KLHDC10: variants seen among roughly 807,000 people sequenced by gnomAD.
The protein encoded by KLHDC10 is kelch domain-containing protein 10.
In KLHDC10, 24 loss-of-function variants were observed where a neutral mutation model predicts 56.1. The ratio of observed to expected loss-of-function variants is 0.43; its 90% confidence interval spans 0.31 to 0.60. KLHDC10 has a LOEUF of 0.60. Ranked by LOEUF, KLHDC10 falls within the 20% of genes least tolerant of loss-of-function variation. The pLI, the probability that KLHDC10 is intolerant of heterozygous loss-of-function variation, is 0.11. For missense variants in KLHDC10, 349 were observed against 567.0 expected, an observed-to-expected ratio of 0.62 and a Z score of 3.91; for synonymous variants, 188 against 207.1, an observed-to-expected ratio of 0.91 and a Z score of 0.79.
intron 7 of KLHDC10, 83 bp downstream of exon 7, chr7:130,126,014 C>T (rs1796311068): frequency 9.8e-7 from 1 of 1,016,034 alleles, no homozygotes; most frequent in African/African-American, 1.7e-5. Flanking sequence ...AGTAATTTTA[C>T]TGAGTTATAT....
chr7:130,095,082 A>G (rs1011077353), intron 1 of KLHDC10, among the ~76,000 whole-genome samples: 1 of 152,112 alleles, frequency 6.6e-6, no homozygotes, highest in Non-Finnish European at 1.5e-5. Context: ...AGTTTCTTAT[A>G]TATTTAATGT....
At chr7:130,118,617 C>A (rs62491325) in intron 3 of KLHDC10, among the ~76,000 whole-genome samples, 1 of 152,174 alleles carries the variant, frequency 6.6e-6, no homozygotes, top group Non-Finnish European at 1.5e-5. Flanking sequence ...GCCTAGCTTT[C>A]GCCTGCCTTT....
intron 1 of KLHDC10, among the ~76,000 whole-genome samples, chr7:130,086,590 A>G (rs1469151194): frequency 6.6e-6 from 1 of 152,216 alleles, no homozygotes; most frequent in Non-Finnish European, 1.5e-5. Flanking sequence ...AACAGAGTGC[A>G]ACAACAAAGT....
chr7:130,115,451 C>T (rs1004182108), intron 2 of KLHDC10, among the ~76,000 whole-genome samples: 2 of 151,862 alleles, frequency 1.3e-5, no homozygotes, highest in Non-Finnish European at 2.9e-5. Flanking sequence ...TGCAGTAGCT[C>T]GTACCTGTAA....
intron 1 of KLHDC10, among the ~76,000 whole-genome samples, chr7:130,078,201 C>T (rs1472878745): frequency 1.3e-5 from 2 of 151,594 alleles, no homozygotes; most frequent in Non-Finnish European, 2.9e-5. Context: ...AACCCCGTCT[C>T]TACTGAAAAC....
chr7:130,077,441 TG>T (rs1795526608), intron 1 of KLHDC10, among the ~76,000 whole-genome samples: 5 of 149,182 alleles, frequency 3.4e-5, no homozygotes, highest in Admixed American at 3.3e-4. Flanking sequence ...ATTAAAAAGT[TG>T]TTTATTTTTT....
chr7:130,115,367 A>AGTTTTTT (rs1796152640), intron 2 of KLHDC10, among the ~76,000 whole-genome samples: 1 of 152,082 alleles, frequency 6.6e-6, no homozygotes, highest in Non-Finnish European at 1.5e-5. Context: ...ACTACAATAA[A>AGTTTTTT]GTTTTTTGTT....
intron 1 of KLHDC10, among the ~76,000 whole-genome samples, chr7:130,074,862 G>C (rs1446729123): frequency 6.6e-6 from 1 of 152,020 alleles, no homozygotes; most frequent in Non-Finnish European, 1.5e-5. Flanking sequence ...ACCCACCTTG[G>C]CCTCCTAAAG....
chr7:130,124,902 GC>G (rs1458629224), intron 6 of KLHDC10, among the ~76,000 whole-genome samples: 2 of 152,132 alleles, frequency 1.3e-5, no homozygotes, highest in Non-Finnish European at 2.9e-5. Context: ...AAAAGAACAG[GC>G]TTGTTTAGGG....
chr7:130,108,556 C>CATAAAAAAAAA (rs1335429672), intron 2 of KLHDC10, among the ~76,000 whole-genome samples: 3 of 85,672 alleles, frequency 3.5e-5, no homozygotes, highest in Admixed American at 1.5e-4. Flanking sequence ...ACCAAATATC[C>CATAAAAAAAAA]AAAAAAAAAA....
intron 8 of KLHDC10, among the ~76,000 whole-genome samples, chr7:130,128,218 A>T (rs1796339472): frequency 1.3e-5 from 2 of 152,226 alleles, no homozygotes; most frequent in Non-Finnish European, 2.9e-5. Flanking sequence ...TCTCTGTGAG[A>T]ATGGAACTGT....
At position 130,081,021 on chromosome 7, in the gene KLHDC10, C is replaced by A. The variant is rs532164696; in HGVS notation, c.166+10212C>A. Among the ~76,000 whole-genome samples the A allele has an allele frequency of 1.4e-3, 176 of 122,250 alleles. 3 individuals carry two copies. In the South Asian group the frequency reaches 0.023, roughly 16 times the overall value. The allele number at this position is 122,250 out of a possible 152,430, so 80.2% of individuals were successfully genotyped here. ...TTTCTTTTTTTTTTTTTTTTTGAGA[C>A]GGAGTCTCGCTCTGTCACCCAGGCT... On this transcript the variant is annotated intron_variant, in intron 1 of 9. Coordinates refer to ENST00000335420, the MANE Select transcript of KLHDC10 (RefSeq NM_014997.4).
At chr7:130,114,040 C>A (rs1247065770) in intron 2 of KLHDC10, among the ~76,000 whole-genome samples, 2 of 152,144 alleles carry the variant, frequency 1.3e-5, no homozygotes, top group African/African-American at 2.4e-5. Context: ...ATAATAATAC[C>A]AAAGTCCACT....
chr7:130,106,925 T>C (rs368146259), intron 2 of KLHDC10, among the ~76,000 whole-genome samples: 1 of 152,176 alleles, frequency 6.6e-6, no homozygotes, highest in South Asian at 2.1e-4. Context: ...GAGCAGTGAT[T>C]ACACTGCTAC....
At chr7:130,122,710 C>T (rs753992576) in intron 5 of KLHDC10, among the ~76,000 whole-genome samples, 15 of 152,176 alleles carry the variant, frequency 9.9e-5, no homozygotes, top group South Asian at 2.1e-4. Context: ...TGTGCCACCA[C>T]GTCTGGCTAA....
rs191234289 is a variant in KLHDC10 at position 130,085,263 on chromosome 7, G to C, written c.167-11658G>C. 3.5e-3 allele frequency among the ~76,000 whole-genome samples: 524 copies of C among 151,230 alleles called. 4 individuals carry two copies. Among genetic ancestry groups the C allele is most frequent in the African/African-American group, 0.012 (505 of 41,144 alleles). On this transcript the variant is annotated intron_variant, in intron 1 of 9. Transcript: ENST00000335420. The stretch of plus-strand genomic sequence containing the variant: ...CAGGAGAATTGCTTGAACCCAGGAG[G>C]TGGAGGTTGCAGTGAGCCGAGATCA...
At position 130,133,133 on chromosome 7, in the gene KLHDC10, G is replaced by A. The variant is rs1380740169; in HGVS notation, c.*2387G>A. 6.6e-6 allele frequency: 1 copy of A among 152,204 alleles called. No individual in the cohort carries two copies. Among genetic ancestry groups the A allele is most frequent in the Non-Finnish European group, 1.5e-5 (1 of 68,042 alleles). 9.4% of individuals were successfully genotyped at this position (152,204 alleles called of 1,614,324 possible). ...AACACTAGTAAAAATGACATGGTAT[G>A]ACCAGCACTGAGTGCTATAGAACCA... On this transcript the variant is annotated 3_prime_UTR_variant, in exon 10 of 10. Coordinates refer to ENST00000335420, the MANE Select transcript of KLHDC10 (RefSeq NM_014997.4).
intron 5 of KLHDC10, 95 bp from the exon 6 acceptor site, chr7:130,124,356 G>A (rs1209034903): frequency 5.7e-6 from 4 of 704,276 alleles, no homozygotes; most frequent in Non-Finnish European, 9.9e-6. Flanking sequence ...ATAACTTATT[G>A]TTATAAATAA....
rs982937174 is a variant in KLHDC10 at position 130,130,307 on chromosome 7, G to A, written c.1120-230G>A. ...ACTGCACTCCAGCCTGGGCGACAGA[G>A]TGAGACTCTGTCTCAAAAAAAAAAA... On this transcript the variant is annotated intron_variant, in intron 9 of 9. Transcript: ENST00000335420. This position sits in a 1 kb window ranked among gnomAD's most constrained non-coding sequence, Gnocchi z 4.2. Among the ~76,000 whole-genome samples, 2 of 132,502 alleles carry A rather than the reference G, an allele frequency of 1.5e-5. No homozygotes were observed. Among genetic ancestry groups the A allele is most frequent in the African/African-American group, 6.4e-5 (2 of 31,474 alleles). 86.9% of individuals were successfully genotyped at this position (132,502 alleles called of 152,430 possible). A position where few individuals can be genotyped will look rare whatever the true frequency, so the allele number is the denominator to read the frequency against.
Sources: allele counts gnomAD v4.1 joint callset (sites outside exome capture counted in the v4.1 genomes callset), GRCh38; gene constraint gnomAD v4.1.1; non-coding constraint Gnocchi (gnomAD v3.1); transcripts MANE v1.5; gene names NCBI Gene and HGNC (gene_info 2026-07-23, HGNC 2026-07-21).